Variants in KANK1 observed in about 807,000 individuals in gnomAD.
KANK1 encodes the protein KN motif and ankyrin repeat domain-containing protein 1.
KANK1 carries 109 observed loss-of-function variants against 106.2 expected under a neutral mutation model. That is an observed-to-expected ratio of 1.03 (90% confidence interval 0.88 to 1.20). KANK1 has a LOEUF of 1.20. KANK1 is among the 50% of genes most tolerant of loss of function. KANK1 has a pLI of 0.00. For missense variants in KANK1, 2,399 were observed against 1,710.7 expected, an observed-to-expected ratio of 1.40 and a Z score of -7.10; for synonymous variants, 873 against 652.2, an observed-to-expected ratio of 1.34 and a Z score of -5.16.
At chr9:731,431 C>G (rs1589262276) in intron 5 of KANK1, 165 bp downstream of exon 5, 3 of 514,810 alleles carry the variant, frequency 5.8e-6, no homozygotes, top group South Asian at 4.3e-5. Flanking sequence ...CTTTCCTCCT[C>G]TGGTGCTGTC....
chr9:502,546 T>TA (rs113257731), upstream of KANK1, among the ~76,000 whole-genome samples: 1 of 150,188 alleles, frequency 6.7e-6, no homozygotes, highest in Non-Finnish European at 1.5e-5. Flanking sequence ...TTTTTTTTCT[T>TA]AGAGTCGTGC....
chr9:529,291 A>G (rs2133456787), intron 1 of KANK1, among the ~76,000 whole-genome samples: 1 of 147,396 alleles, frequency 6.8e-6, no homozygotes, highest in South Asian at 2.1e-4. Context: ...ACACATATAT[A>G]CACTTTTTTT....
At chr9:553,682 A>G (rs2061410343) in intron 1 of KANK1, among the ~76,000 whole-genome samples, 1 of 152,254 alleles carries the variant, frequency 6.6e-6, no homozygotes, top group Non-Finnish European at 1.5e-5. Context: ...AGTATGAGAA[A>G]AATATAAGCC....
chr9:504,280 G>A (rs746125242), upstream of KANK1, among the ~76,000 whole-genome samples: 1 of 152,146 alleles, frequency 6.6e-6, no homozygotes, highest in Non-Finnish European at 1.5e-5. Flanking sequence ...AATACGGGTT[G>A]GCAGAAGGAG....
intron 3 of KANK1, among the ~76,000 whole-genome samples, chr9:726,730 C>G (rs543286049): frequency 6.6e-6 from 1 of 152,104 alleles, no homozygotes; most frequent in Admixed American, 6.5e-5. Context: ...GAGGTCAAGG[C>G]GGGCAGATTT....
intron 1 of KANK1, 25 bp downstream of exon 1, chr9:504,779 C>CGTGCCCCGTGCCGCGCT (rs2058657119): frequency 7.1e-6 from 1 of 140,918 alleles, no homozygotes; most frequent in Non-Finnish European, 1.5e-5. Flanking sequence ...GGGGCCGTGC[C>CGTGCCCCGTGCCGCGCT]GCGCCCCGTG....
intron 1 of KANK1, among the ~76,000 whole-genome samples, chr9:647,150 G>C (rs1180087654): frequency 6.6e-6 from 1 of 151,022 alleles, no homozygotes; most frequent in East Asian, 1.9e-4. Context: ...TTAGAACCAA[G>C]TATAAATTTG....
At position 470,683 on chromosome 9, in the gene KANK1, G is replaced by A. The variant is rs2058001686; in HGVS notation, c.-442+1G>A. ...ACGCGTGCACACAGCCACGAGTGAG[G>A]TTTGAAAGAGGCCCCACCCTCCATT... On this transcript the variant is annotated splice_donor_variant, in intron 2 of 15. Transcript: ENST00000382303. LOFTEE classifies it low-confidence loss of function (5UTR_SPLICE). 1 of 152,268 alleles carries A rather than the reference G, an allele frequency of 6.6e-6. No individual in the cohort carries two copies. Among genetic ancestry groups the A allele is most frequent in the Admixed American group, 6.5e-5 (1 of 15,272 alleles). The allele number at this position is 152,268 out of a possible 1,614,324, so 9.4% of individuals were successfully genotyped here.
intron 2 of KANK1, among the ~76,000 whole-genome samples, chr9:681,573 A>G (rs1316378347): frequency 6.6e-6 from 1 of 152,186 alleles, no homozygotes; most frequent in Non-Finnish European, 1.5e-5. Context: ...TACCTTCTTC[A>G]CAAGGTGGTT....
At chr9:671,862 C>T (rs1279184480) in intron 1 of KANK1, among the ~76,000 whole-genome samples, 1 of 151,422 alleles carries the variant, frequency 6.6e-6, no homozygotes, top group Admixed American at 6.6e-5. Context: ...GCAGGAGAAT[C>T]ACCTGAACCT....
At chr9:479,342 C>G (rs1320182512) in intron 3 of KANK1, among the ~76,000 whole-genome samples, 2 of 152,186 alleles carry the variant, frequency 1.3e-5, no homozygotes, top group Non-Finnish European at 2.9e-5. Context: ...TGCTCATTGA[C>G]CTACAAGAAC....
At chr9:513,530 CATAT>C (rs1275933753) in intron 1 of KANK1, among the ~76,000 whole-genome samples, 1 of 152,146 alleles carries the variant, frequency 6.6e-6, no homozygotes, top group East Asian at 1.9e-4. Flanking sequence ...ATCCAAGAAA[CATAT>C]AAGAACCTCT....
At chr9:719,834 C>G (rs903932101) in intron 3 of KANK1, among the ~76,000 whole-genome samples, 4 of 152,140 alleles carry the variant, frequency 2.6e-5, no homozygotes, top group East Asian at 1.9e-4. Context: ...CACTGCAGCC[C>G]CCAACTTCTG....
chr9:686,472 T>C (rs1335208422), intron 2 of KANK1, among the ~76,000 whole-genome samples: 3 of 152,188 alleles, frequency 2.0e-5, no homozygotes, highest in Non-Finnish European at 4.4e-5. Context: ...AGCCTGATGA[T>C]ACACTGATTT....
At chr9:601,576 G>C (rs1319863805) in intron 1 of KANK1, among the ~76,000 whole-genome samples, 1 of 151,822 alleles carries the variant, frequency 6.6e-6, no homozygotes, top group Non-Finnish European at 1.5e-5. Context: ...CTCATAACTG[G>C]TTACTTGATG....
intron 2 of KANK1, among the ~76,000 whole-genome samples, chr9:683,299 A>T (rs10491592): frequency 0.14 from 22,033 of 152,162 alleles, 2,329 homozygotes; most frequent in African/African-American, 0.3. Context: ...GTATTCTCCC[A>T]TAAGTAGTGT....
intron 1 of KANK1, among the ~76,000 whole-genome samples, chr9:624,225 G>A (rs1438701013): frequency 6.6e-6 from 1 of 152,130 alleles, no homozygotes; most frequent in Non-Finnish European, 1.5e-5. Flanking sequence ...AGGGTCTGGG[G>A]CATGGGAGAA....
chr9:744,907 G>A, intron 11 of KANK1: 1 of 1,418,162 alleles, frequency 7.1e-7, no homozygotes, highest in Non-Finnish European at 9.2e-7. Context: ...TTCTGGCATT[G>A]TTCCTGAAGC....
intron 9 of KANK1, 78 bp from the exon 10 acceptor site, chr9:742,127 C>A (rs1835753261): frequency 8.1e-7 from 1 of 1,234,152 alleles, no homozygotes; most frequent in Non-Finnish European, 1.2e-6. Context: ...TTCCCCCTTT[C>A]CCTAGCACAG....
Sources: gnomAD v4.1 joint callset for allele counts (sites outside exome capture counted in the v4.1 genomes callset) on GRCh38, gnomAD v4.1.1 for gene constraint, MANE v1.5 for transcripts, NCBI Gene and HGNC (gene_info 2026-07-23, HGNC 2026-07-21) for gene names.